DNAH5: variants seen among roughly 807,000 people sequenced by gnomAD.
DNAH5 encodes the protein axonemal beta dynein heavy chain 5.
A neutral mutation model predicts 518.2 loss-of-function variants in DNAH5; 372 were observed. The observed-to-expected ratio is 0.72, with a 90% CI of 0.66 to 0.78. The LOEUF (loss-of-function observed/expected upper bound fraction) is 0.78. Ranked by LOEUF, DNAH5 falls within the 30% of genes least tolerant of loss-of-function variation. DNAH5 has a pLI of 0.00. For synonymous variants in DNAH5, 2,039 were observed against 2,025.9 expected (o/e 1.01, Z -0.17); for missense variants, 5,523 against 5,687.0 (o/e 0.97, Z 0.93).
At chr5:13,896,946 T>C (rs1580789895) in intron 15 of DNAH5, among the ~76,000 whole-genome samples, 1 of 137,782 alleles carries the variant, frequency 7.3e-6, no homozygotes, top group African/African-American at 2.8e-5. Flanking sequence ...TTCCAAACTG[T>C]TTTGCCTAGA....
intron 47 of DNAH5, among the ~76,000 whole-genome samples, chr5:13,802,842 A>G (rs1036962897): frequency 1.1e-4 from 16 of 152,162 alleles, no homozygotes; most frequent in African/African-American, 3.6e-4. Context: ...TATCAACTCT[A>G]TGATTTCAGG....
At chr5:13,806,821 A>C (rs1277395210) in intron 47 of DNAH5, among the ~76,000 whole-genome samples, 1 of 152,202 alleles carries the variant, frequency 6.6e-6, no homozygotes, top group Non-Finnish European at 1.5e-5. Context: ...TAAACAACGC[A>C]AACTTGAGGG....
At chr5:13,954,224 C>T (rs1279584607) in intron 1 of DNAH5, among the ~76,000 whole-genome samples, 2 of 152,232 alleles carry the variant, frequency 1.3e-5, no homozygotes, top group African/African-American at 4.8e-5. Flanking sequence ...ATACCCTGCA[C>T]GATGTTATTC....
At chr5:13,758,675 G>A (rs1055204792) in intron 61 of DNAH5, among the ~76,000 whole-genome samples, 171 bp downstream of exon 61, 7 of 152,166 alleles carry the variant, frequency 4.6e-5, no homozygotes, top group African/African-American at 1.7e-4. Context: ...TTCCAGCACT[G>A]ACAGCCATCT....
rs573186629 is a variant in DNAH5, at chr5:13,753,750, G to C, written c.10556-201C>G. Among the ~76,000 whole-genome samples the C allele has an allele frequency of 2.6e-5, 4 of 152,306 alleles. No individual in the cohort carries two copies. In the East Asian group the frequency reaches 5.8e-4, roughly 22 times the overall value. On this transcript the variant is annotated intron_variant, in intron 62 of 78. Transcript: ENST00000265104. The stretch of plus-strand genomic sequence containing the variant: ...CAATAAGGTCCAAGTGGCCTACCAA[G>C]TGATACCTACTAGCAGTCAAGCACT...
chr5:13,920,630 A>T lies in DNAH5; in HGVS notation c.661-13T>A, dbSNP rs1777149648. The T allele has an allele frequency of 6.2e-7, 1 of 1,613,758 alleles. No homozygotes were observed. Among genetic ancestry groups the T allele is most frequent in the Admixed American group, 1.7e-5 (1 of 60,002 alleles). On this transcript the variant is annotated splice_polypyrimidine_tract_variant and intron_variant, in intron 5 of 78. Coordinates refer to ENST00000265104, the MANE Select transcript of DNAH5 (RefSeq NM_001369.3). ...TTCGAAGGTTCACCTAATTAGAATG[A>T]AAATTAAATAATCAGATGATGCTTT...
At chr5:14,011,640 C>A (rs928264836) in intron 1 of DNAH5, among the ~76,000 whole-genome samples, 14 of 152,098 alleles carry the variant, frequency 9.2e-5, no homozygotes, top group Non-Finnish European at 1.9e-4. Flanking sequence ...CCCGAGCGCG[C>A]ACAGTACCAG....
chr5:13,974,109 T>C (rs1463927247), intron 1 of DNAH5, among the ~76,000 whole-genome samples: 3 of 152,072 alleles, frequency 2.0e-5, no homozygotes, highest in Non-Finnish European at 4.4e-5. Flanking sequence ...TCTTTTGTCT[T>C]TTCTTTATTT....
chr5:13,951,375 T>C (rs1007784637), intron 1 of DNAH5, among the ~76,000 whole-genome samples: 5 of 132,028 alleles, frequency 3.8e-5, no homozygotes, highest in Non-Finnish European at 6.9e-5. Flanking sequence ...CACCACCAGA[T>C]TCAGCTAATT....
intron 1 of DNAH5, among the ~76,000 whole-genome samples, chr5:13,992,133 G>A (rs1783602541): frequency 1.3e-5 from 2 of 152,206 alleles, no homozygotes; most frequent in African/African-American, 2.4e-5. Flanking sequence ...CATTGAACAA[G>A]TATATTTTAA....
At chr5:13,810,315 C>G in intron 44 of DNAH5, 55 bp from the exon 45 acceptor site, 1 of 1,484,080 alleles carries the variant, frequency 6.7e-7, no homozygotes. Context: ...CCAAACGTTG[C>G]TCTAGGGTTT....
intron 8 of DNAH5, among the ~76,000 whole-genome samples, chr5:13,916,794 A>G (rs1220206253): frequency 2.0e-5 from 3 of 152,102 alleles, no homozygotes; most frequent in African/African-American, 4.8e-5. Context: ...AGATTAAAAA[A>G]AAACATCACT....
rs1488424594 is a variant in DNAH5, at chr5:13,701,439, G to A, written c.13339-3C>T. The A allele has an allele frequency of 1.9e-6, 3 of 1,607,394 alleles. No homozygotes were observed. The highest frequency in any genetic ancestry group is 1.7e-5 in the Admixed American group (1 of 59,938). On this transcript the variant is annotated splice_region_variant and splice_polypyrimidine_tract_variant and intron_variant, in intron 76 of 78. Coordinates refer to ENST00000265104, the MANE Select transcript of DNAH5 (RefSeq NM_001369.3). ...AGTGTACTAGAAATCCAAGAAGCCT[G>A]CAATGAAGACATTAAAACAATTAAT... is the stretch of plus-strand genomic sequence containing the variant.
chr5:13,747,402 C>T (rs532046602), intron 65 of DNAH5, among the ~76,000 whole-genome samples: 60 of 152,180 alleles, frequency 3.9e-4, no homozygotes, highest in African/African-American at 1.4e-3. Context: ...GGGTATATAC[C>T]CAGTAATGGG....
chr5:13,719,086 G>C lies in DNAH5; in HGVS notation c.12295C>G (p.Leu4099Val). 1 of 1,614,012 alleles carries C rather than the reference G, an allele frequency of 6.2e-7. No individual in the cohort carries two copies. Among genetic ancestry groups the C allele is most frequent in the Non-Finnish European group, 8.5e-7 (1 of 1,179,958 alleles). Residue 4099 changes from leucine (L) to valine (V), a missense_variant, in exon 72 of 79, where the codon CTG (leucine) becomes GTG (valine). Leu to Val is a conservative substitution (Grantham distance 32). Coordinates refer to ENST00000265104, the MANE Select transcript of DNAH5 (RefSeq NM_001369.3). ...QTMANGGWAL[L>V]QNCHLGLDFM... The stretch of plus-strand genomic sequence containing the variant: ...TCAAGTCCCAGATGGCAGTTCTGCA[G>C]AAGTGCCCATCCTCCCTGTCAATAG...
In DNAH5 at chr5:13,768,950, A is replaced by G. The variant is rs2126775664; in HGVS notation, c.9897+10T>C. The G allele has an allele frequency of 3.7e-6, 6 of 1,614,118 alleles. No homozygotes were observed. Among genetic ancestry groups the G allele is most frequent in the South Asian group, 1.1e-5 (1 of 91,084 alleles). On this transcript the variant is annotated intron_variant, in intron 58 of 78. Transcript: ENST00000265104. ...CTAAAGCTGACATCTGTTATATCAC[A>G]TAGATGCACCTGCAATGCAGCTTCT...
intron 16 of DNAH5, among the ~76,000 whole-genome samples, chr5:13,892,319 A>G (rs1274951424): frequency 1.3e-5 from 2 of 152,226 alleles, no homozygotes; most frequent in African/African-American, 4.8e-5. Flanking sequence ...TCCACATCCT[A>G]ATCTCCTGTG....
chr5:13,877,208 C>T (rs1215475232), intron 21 of DNAH5, among the ~76,000 whole-genome samples: 3 of 152,178 alleles, frequency 2.0e-5, no homozygotes, highest in Non-Finnish European at 4.4e-5. Flanking sequence ...CCAGCCTGGG[C>T]TTGGAGCTCC....
At chr5:13,830,517 C>G in intron 36 of DNAH5, 80 bp downstream of exon 36, 1 of 1,509,828 alleles carries the variant, frequency 6.6e-7, no homozygotes, top group Non-Finnish European at 9.2e-7. Context: ...TAAAATGTGG[C>G]CAATTGTTGA....
Sources: allele counts gnomAD v4.1 joint callset (sites outside exome capture counted in the v4.1 genomes callset), GRCh38; gene constraint gnomAD v4.1.1; transcripts MANE v1.5; gene names NCBI Gene and HGNC (gene_info 2026-07-23, HGNC 2026-07-21).